The following PCCA variants were observed in gnomAD, a reference collection of about 807,000 sequenced individuals.
PCCA encodes the protein propionyl-CoA carboxylase alpha chain, mitochondrial.
Under a neutral mutation model 101.3 loss-of-function variants are expected in PCCA, and 74 were observed. That is an observed-to-expected ratio of 0.73 (90% confidence interval 0.61 to 0.89). The LOEUF (loss-of-function observed/expected upper bound fraction) is 0.89. Ranked by LOEUF, PCCA falls within the 40% of genes least tolerant of loss-of-function variation. PCCA has a pLI of 0.00. For synonymous variants in PCCA, 294 were observed against 313.6 expected (o/e 0.94, Z 0.66); for missense variants, 891 against 907.0 (o/e 0.98, Z 0.23).
At chr13:100,251,317 G>C (rs955606235) in intron 8 of PCCA, among the ~76,000 whole-genome samples, 1 of 152,150 alleles carries the variant, frequency 6.6e-6, no homozygotes, top group African/African-American at 2.4e-5. Context: ...TATATAAATA[G>C]AACAGGTTAC....
At chr13:100,518,430 T>G (rs999298484) in intron 22 of PCCA, among the ~76,000 whole-genome samples, 1 of 152,228 alleles carries the variant, frequency 6.6e-6, no homozygotes, top group Non-Finnish European at 1.5e-5. Flanking sequence ...GTGCACTGAT[T>G]CATTTGAAAC....
At chr13:100,231,607 T>C (rs750241445) in intron 7 of PCCA, among the ~76,000 whole-genome samples, 1 of 152,226 alleles carries the variant, frequency 6.6e-6, no homozygotes, top group Non-Finnish European at 1.5e-5. Flanking sequence ...CTGATTTAAT[T>C]TTTAAACTAT....
intron 21 of PCCA, chr13:100,491,037 A>T (rs1025825707): frequency 2.0e-5 from 3 of 152,256 alleles, no homozygotes; most frequent in Non-Finnish European, 4.4e-5. Context: ...GACAATTTGC[A>T]TTTGTAAAAA....
intron 16 of PCCA, among the ~76,000 whole-genome samples, chr13:100,321,323 C>G (rs912062774): frequency 6.6e-6 from 1 of 152,048 alleles, no homozygotes; most frequent in African/African-American, 2.4e-5. Context: ...TTTTGCCTAC[C>G]TAATTGATCT....
chr13:100,440,192 ATATATATATATATATAT>A (rs1566308274), intron 20 of PCCA, among the ~76,000 whole-genome samples: 26 of 111,666 alleles, frequency 2.3e-4, no homozygotes, highest in Middle Eastern at 3.9e-3. Flanking sequence ...ATATATATAT[ATATATATATATATATAT>A]AAAACGTGAT....
At chr13:100,253,998 T>A (rs2061919936) in intron 8 of PCCA, among the ~76,000 whole-genome samples, 1 of 151,886 alleles carries the variant, frequency 6.6e-6, no homozygotes, top group South Asian at 2.1e-4. Context: ...GGGTAGTGTA[T>A]AAAGAAAAAG....
At chr13:100,159,348 CAA>C (rs1230727942) in intron 6 of PCCA, among the ~76,000 whole-genome samples, 3 of 152,060 alleles carry the variant, frequency 2.0e-5, no homozygotes, top group Admixed American at 1.3e-4. Context: ...CTCAGCTTCC[CAA>C]AGTGCTGGGA....
At position 100,295,608 on chromosome 13, in the gene PCCA, A is replaced by C. The variant is rs150698580; in HGVS notation, c.1066-5852A>C. On this transcript the variant is annotated intron_variant, in intron 12 of 23. Coordinates refer to ENST00000376285, the MANE Select transcript of PCCA (RefSeq NM_000282.4). ...TCTATTAAATGACAGTGATGTATTG[A>C]AGAAGTTTGTGCATGTGTGGAAGGA... 1.1e-3 allele frequency among the ~76,000 whole-genome samples: 166 copies of C among 152,324 alleles called. 1 individual carries two copies. The highest frequency in any genetic ancestry group is 3.8e-3 in the African/African-American group (159 of 41,576).
intron 7 of PCCA, among the ~76,000 whole-genome samples, chr13:100,226,663 C>T (rs1254888570): frequency 2.6e-5 from 4 of 152,090 alleles, no homozygotes; most frequent in South Asian, 2.1e-4. Context: ...AGTATTGTAG[C>T]GCCAGGGTTA....
intron 11 of PCCA, among the ~76,000 whole-genome samples, chr13:100,272,461 C>A (rs917018899): frequency 1.4e-4 from 22 of 152,134 alleles, no homozygotes; most frequent in Non-Finnish European, 2.9e-5. Flanking sequence ...AAGCTTATCC[C>A]ACACACATTT....
At chr13:100,420,637 C>T (rs752640819) in intron 19 of PCCA, among the ~76,000 whole-genome samples, 1 of 152,086 alleles carries the variant, frequency 6.6e-6, no homozygotes, top group Non-Finnish European at 1.5e-5. Flanking sequence ...TTTGTAACCA[C>T]AGAATTATAG....
At chr13:100,413,576 A>G (rs1026592206) in intron 19 of PCCA, among the ~76,000 whole-genome samples, 2 of 152,172 alleles carry the variant, frequency 1.3e-5, no homozygotes, top group African/African-American at 4.8e-5. Flanking sequence ...GAGCGTCACT[A>G]AGTTGAACTA....
At chr13:100,142,434 A>G (rs902853739) in intron 4 of PCCA, among the ~76,000 whole-genome samples, 4 of 151,020 alleles carry the variant, frequency 2.6e-5, no homozygotes, top group Non-Finnish European at 4.4e-5. Flanking sequence ...AAATTAAAGG[A>G]CTAACTCCTC....
At chr13:100,255,431 C>T (rs967371833) in intron 8 of PCCA, among the ~76,000 whole-genome samples, 8 of 152,072 alleles carry the variant, frequency 5.3e-5, no homozygotes, top group African/African-American at 1.2e-4. Flanking sequence ...GACTAAAATG[C>T]GATTAGTACT....
At chr13:100,444,466 G>A (rs1204160103) in intron 20 of PCCA, among the ~76,000 whole-genome samples, 11 of 112,282 alleles carry the variant, frequency 9.8e-5, no homozygotes, top group South Asian at 3.2e-4. Flanking sequence ...TTTTTGAGAC[G>A]GAGTCTCGCC....
At chr13:100,335,454 G>T (rs1566952681) in intron 17 of PCCA, among the ~76,000 whole-genome samples, 1 of 152,166 alleles carries the variant, frequency 6.6e-6, no homozygotes, top group Non-Finnish European at 1.5e-5. Context: ...CTGAGAAGTA[G>T]CTCATTACCA....
chr13:100,520,697 G>A (rs1163295629), intron 22 of PCCA, among the ~76,000 whole-genome samples: 2 of 148,686 alleles, frequency 1.3e-5, no homozygotes, highest in African/African-American at 5.0e-5. Context: ...TCTATTAGTA[G>A]ATAAGAGGAG....
At chr13:100,458,440 T>TACACACACACAC (rs777836240) in intron 21 of PCCA, among the ~76,000 whole-genome samples, 3 of 118,766 alleles carry the variant, frequency 2.5e-5, no homozygotes, top group Non-Finnish European at 3.4e-5. Context: ...CACACACACA[T>TACACACACACAC]ACACACACAC....
chr13:100,361,349 G>A (rs761680406), intron 18 of PCCA, among the ~76,000 whole-genome samples: 28 of 151,968 alleles, frequency 1.8e-4, no homozygotes, highest in Non-Finnish European at 3.5e-4. Flanking sequence ...AATGCAAGAT[G>A]TTCATAATAG....
Sources: gnomAD v4.1 joint callset for allele counts (sites outside exome capture counted in the v4.1 genomes callset) on GRCh38, gnomAD v4.1.1 for gene constraint, MANE v1.5 for transcripts, NCBI Gene and HGNC (gene_info 2026-07-23, HGNC 2026-07-21) for gene names.